Variants in TTN observed in about 807,000 individuals in gnomAD.
TTN encodes titin.
TTN carries 1,525 observed loss-of-function variants against 3,223.0 expected under a neutral mutation model. The ratio of observed to expected loss-of-function variants is 0.47; its 90% CI spans 0.45 to 0.49. The LOEUF (loss-of-function observed/expected upper bound fraction) is 0.49. TTN is among the 20% of genes least tolerant of loss of function. The probability of loss-of-function intolerance (pLI) is 0.00; values close to 1 mark genes in which losing one functional copy is unlikely to be tolerated. For missense variants in TTN, 40,786 were observed against 43,424.0 expected, an observed-to-expected ratio of 0.94 and a Z score of 5.40; for synonymous variants, 14,094 against 15,161.0, an observed-to-expected ratio of 0.93 and a Z score of 5.17.
Position 178,800,695 on chromosome 2 carries a change from G to A in TTN, c.296-13C>T. ...GGTGCTGTCTCAGCTGCGGGGACAA[G>A]AGAACAAAGTCAAGAGTGAGAGCCA... On this transcript the variant is annotated splice_polypyrimidine_tract_variant and intron_variant, in intron 3 of 362. Coordinates refer to ENST00000589042, the MANE Select transcript of TTN (RefSeq NM_001267550.2). 6.2e-7 allele frequency: 1 copy of A among 1,602,268 alleles called. No individual in the cohort carries two copies. Among genetic ancestry groups the A allele is most frequent in the East Asian group, 2.2e-5 (1 of 44,748 alleles).
Position 178,532,841 on chromosome 2 carries a change from G to T in TTN, c.103774C>A (p.Pro34592Thr), listed in dbSNP as rs748291093. Reference sequence around the variant, plus strand: ...CATCTTGAAAGGCGGATGCGCTTGGGTCGTTTCTGTACAACTCTGTCAAGT... The same window carrying T: ...CATCTTGAAAGGCGGATGCGCTTGGTTCGTTTCTGTACAACTCTGTCAAGT... ...GKLDRVVQKR[P>T]KRIRLSRWEQ... is the part of the protein sequence containing the mutation. Residue 34592 changes from proline (P) to threonine (T), a missense_variant, in exon 358 of 363, where the codon CCC becomes ACC. By Grantham distance (38) the Pro-to-Thr change is conservative. Coordinates refer to ENST00000589042, the MANE Select transcript of TTN (RefSeq NM_001267550.2). 12 of 1,613,926 alleles carry T rather than the reference G, an allele frequency of 7.4e-6. No homozygotes were observed. The South Asian group carries it at 1.1e-4, about 15-fold the overall frequency.
At position 178,741,758 on chromosome 2, in the gene TTN, T is replaced by C. The variant is rs1057523983; in HGVS notation, c.11475A>G (p.Glu3825=). The C allele has an allele frequency of 6.2e-7, 1 of 1,613,654 alleles. No homozygotes were observed. The highest frequency in any genetic ancestry group is 1.3e-5 in the African/African-American group (1 of 75,034). ...CCATGCTTATATCAGCATTTGACAC[T>C]TCTTTGATGAAAATTGGGCCAGTGC... is the stretch of plus-strand genomic sequence containing the variant. The part of the protein sequence containing the change: ...KEGTGPIFIK[E]VSNADISMGD... Residue 3825 remains glutamate, a synonymous_variant, in exon 48 of 363, where the codon GAA becomes GAG. Transcript: ENST00000589042.
In TTN at chr2:178,789,417, C is replaced by T. The variant is rs1438888698; in HGVS notation, c.2019G>A (p.Leu673=). The stretch of plus-strand genomic sequence containing the variant: ...TAGTAGCCATAGTTTCTCTAGTTCT[C>T]AGTATTGTTTCTTGTTCTTTGGCTT... ...TAKAKEQETI[L]RTRETMATRQ... The change falls in exon 13 of 363, where the codon CTG becomes CTA. Residue 673 remains leucine, a synonymous_variant. Transcript: ENST00000589042. 1.2e-6 allele frequency: 2 copies of T among 1,613,512 alleles called. No homozygotes were observed. The highest frequency in any genetic ancestry group is 1.7e-6 in the Non-Finnish European group (2 of 1,179,554).
intron 106 of TTN, 131 bp downstream of exon 106, chr2:178,704,016 G>T: frequency 8.5e-7 from 1 of 1,171,474 alleles, no homozygotes; most frequent in Non-Finnish European, 1.2e-6. Flanking sequence ...AATACTATGA[G>T]AACGTGTGTT....
rs998292768 is a variant in TTN, at chr2:178,723,460, T to C, written c.21640A>G (p.Asn7214Asp). Residue 7214 changes from asparagine to aspartate, a missense_variant, in exon 74 of 363, where the codon AAC becomes GAC. Physicochemically the swap from Asn to Asp is conservative, Grantham distance 23. Coordinates refer to ENST00000589042, the MANE Select transcript of TTN (RefSeq NM_001267550.2). ...SGEYTCVVSN[N>D]AGQASCTTRL... ...GTAGTGCAAGATGCTTGGCCAGCGT[T>C]GTTAGAAACCACACAGGTGTATTCC... 2 of 1,613,282 alleles carry C rather than the reference T, an allele frequency of 1.2e-6. No individual in the cohort carries two copies. Among genetic ancestry groups the C allele is most frequent in the Non-Finnish European group, 1.7e-6 (2 of 1,179,556 alleles).
chr2:178,782,790 G>A lies in TTN; in HGVS notation c.3100+16C>T, dbSNP rs2092895435. On this transcript the variant is annotated intron_variant, in intron 18 of 362. Transcript: ENST00000589042. ...GATGGCATGTGCATTAGGACTGTGGGAGGGTGGCCACTAACCCTGCACAGC... is the reference window on the plus strand; with the variant it reads ...GATGGCATGTGCATTAGGACTGTGGAAGGGTGGCCACTAACCCTGCACAGC... 6.2e-7 allele frequency: 1 copy of A among 1,612,312 alleles called. No individual in the cohort carries two copies. Among genetic ancestry groups the A allele is most frequent in the African/African-American group, 1.3e-5 (1 of 74,978 alleles).
rs1192398039 is a variant in TTN, at chr2:178,572,523, T to C, written c.73609A>G (p.Thr24537Ala). 6.2e-7 allele frequency: 1 copy of C among 1,613,368 alleles called. No individual in the cohort carries two copies. The highest frequency in any genetic ancestry group is 2.2e-5 in the East Asian group (1 of 44,772). Residue 24537 changes from threonine (T) to alanine (A), a missense_variant, in exon 326 of 363, where the codon ACA (threonine) becomes GCA (alanine). Transcript: ENST00000589042. ...AGGAGAGGTGGGTCCCATGTGAGTG[T>C]GACAGATGTCTTAGTGACCTCTTTT... ...KVKEVTKTSVTLTWDPPLLDG... is the reference protein window; with the variant it reads ...KVKEVTKTSVALTWDPPLLDG...
intron 46 of TTN, 50 bp downstream of exon 46, chr2:178,756,172 T>C: frequency 7.3e-7 from 1 of 1,368,430 alleles, no homozygotes; most frequent in Non-Finnish European, 1.0e-6. Context: ...AAAAGCTGCA[T>C]AAAGCGATGA....
chr2:178,701,580 A>T lies in TTN; in HGVS notation c.30546T>A (p.Pro10182=). Residue 10182 remains proline, a synonymous_variant, in exon 110 of 363, where the codon CCT becomes CCA. Coordinates refer to ENST00000589042, the MANE Select transcript of TTN (RefSeq NM_001267550.2). ...TGGTTGGGATTGGAACTCTGGAGTC[A>T]GGAATATCTGGAAAGGGACATGTAA... ...IKLELKPPDI[P]DSRVPIPTMP... is the part of the protein sequence containing the mutation. 1 of 1,613,750 alleles carries T rather than the reference A, an allele frequency of 6.2e-7. No homozygotes were observed. Among genetic ancestry groups the T allele is most frequent in the Non-Finnish European group, 8.5e-7 (1 of 1,179,728 alleles).
In TTN at chr2:178,666,875, G is replaced by A. The variant is rs780314020; in HGVS notation, c.35824C>T (p.Pro11942Ser). The A allele has an allele frequency of 1.3e-6, 2 of 1,569,028 alleles. No individual in the cohort carries two copies. The highest frequency in any genetic ancestry group is 1.7e-6 in the Non-Finnish European group (2 of 1,156,628). Residue 11942 changes from proline (P) to serine (S), a missense_variant, in exon 163 of 363, where the codon CCA becomes TCA. Physicochemically the swap from Pro to Ser is moderately conservative, Grantham distance 74. Coordinates refer to ENST00000589042, the MANE Select transcript of TTN (RefSeq NM_001267550.2). Reference protein sequence around the residue: ...EEFEVFKEVIPEGETPIVKRR... With the variant: ...EEFEVFKEVISEGETPIVKRR... ...TTAACAATAGGAGTTTCTCCCTCTG[G>A]AATGACTTCCTTGAAGACTTCAAAC... is the stretch of plus-strand genomic sequence containing the variant.
intron 49 of TTN, among the ~76,000 whole-genome samples, chr2:178,736,497 TG>T (rs1397968906): frequency 1.3e-5 from 2 of 152,216 alleles, no homozygotes; most frequent in Admixed American, 6.5e-5. Context: ...GAAGTAGTTT[TG>T]TAATGTCTTT....
chr2:178,543,935 A>C lies in TTN; in HGVS notation c.96209T>G (p.Leu32070Arg). The C allele has an allele frequency of 6.2e-7, 1 of 1,613,762 alleles. No homozygotes were observed. Among genetic ancestry groups the C allele is most frequent in the Non-Finnish European group, 8.5e-7 (1 of 1,179,722 alleles). ...IIDTTESYSL[L>R]IVDKVNRYDA... The stretch of plus-strand genomic sequence containing the variant: ...GTACCGATTAACTTTGTCCACTATT[A>C]GCAATGAGTAGCTCTCAGTGGTGTC... The change falls in exon 346 of 363, where the codon CTA becomes CGA. Residue 32070 changes from leucine to arginine, a missense_variant. Leu to Arg is a moderately radical substitution (Grantham distance 102). Transcript: ENST00000589042.
At chr2:178,608,506 T>C in intron 274 of TTN, 29 bp from the exon 275 acceptor site, 3 of 1,562,390 alleles carry the variant, frequency 1.9e-6, no homozygotes. Flanking sequence ...TTGAAGTAAA[T>C]TTCCCAGTAT....
At position 178,732,867 on chromosome 2, in the gene TTN, T is replaced by G; in HGVS notation, c.16309A>C (p.Ser5437Arg). 6.2e-7 allele frequency: 1 copy of G among 1,613,220 alleles called. No individual in the cohort carries two copies. The highest frequency in any genetic ancestry group is 8.5e-7 in the Non-Finnish European group (1 of 1,179,412). ...ATCAGGGCTCCACTGCTGTCTTTGC[T>G]TCCCACGGAATTTGTGGCTCGACAA... ...FTCRATNSVG[S>R]KDSSGALIVQ... is the part of the protein sequence containing the mutation. Residue 5437 changes from serine (S) to arginine (R), a missense_variant, in exon 55 of 363, where the codon AGC becomes CGC. By Grantham distance (110) the Ser-to-Arg change is moderately radical. Transcript: ENST00000589042.
In TTN at chr2:178,730,718, C is replaced by A; in HGVS notation, c.17815G>T (p.Glu5939Ter). 1.2e-6 allele frequency: 2 copies of A among 1,613,478 alleles called. No individual in the cohort carries two copies. Among genetic ancestry groups the A allele is most frequent in the Non-Finnish European group, 1.7e-6 (2 of 1,179,602 alleles). Residue 5939 changes from glutamate to a stop codon, truncating the protein, a stop_gained, in exon 61 of 363, where the codon GAA becomes TAA. Transcript: ENST00000589042. LOFTEE classifies it high-confidence loss of function. ...GGATGTGACCCAGCCACTATACATT[C>A]TAAATCAATGAAAGAACCTTTAATG... Reference protein sequence around the residue: ...DSIKGSFIDLECIVAGSHPIS... With the variant: ...DSIKGSFIDL
Position 178,574,845 on chromosome 2 carries a change from C to T in TTN, c.71287G>A (p.Val23763Ile). The T allele has an allele frequency of 1.2e-6, 2 of 1,613,134 alleles. No homozygotes were observed. Among genetic ancestry groups the T allele is most frequent in the Non-Finnish European group, 1.7e-6 (2 of 1,179,578 alleles). The part of the protein sequence containing the change: ...NDGGVPISNY[V>I]VEMRQTDSTT... Reference sequence around the variant, plus strand: ...CTGTCAGTCTGCCGCATTTCCACTACATAGTTGCTTATTGGTACACCACCA... The same window carrying T: ...CTGTCAGTCTGCCGCATTTCCACTATATAGTTGCTTATTGGTACACCACCA... The change falls in exon 326 of 363, where the codon GTA becomes ATA. Residue 23763 changes from valine (V) to isoleucine (I), a missense_variant. Val to Ile is a conservative substitution (Grantham distance 29). Coordinates refer to ENST00000589042, the MANE Select transcript of TTN (RefSeq NM_001267550.2).
At chr2:178,697,492 A>G (rs1291951528) in intron 112 of TTN, among the ~76,000 whole-genome samples, 1 of 152,186 alleles carries the variant, frequency 6.6e-6, no homozygotes, top group African/African-American at 2.4e-5. Flanking sequence ...AGAATGTTTA[A>G]TATGTCCAAT....
rs749484938 is a variant in TTN at position 178,573,860 on chromosome 2, T to C, written c.72272A>G (p.Asp24091Gly). The change falls in exon 326 of 363, where the codon GAT becomes GGT. Residue 24091 changes from aspartate (D) to glycine (G), a missense_variant. By Grantham distance (94) the Asp-to-Gly change is moderately conservative. Coordinates refer to ENST00000589042, the MANE Select transcript of TTN (RefSeq NM_001267550.2). Reference sequence around the variant, plus strand: ...GGCACCACTATCCCTTCTTGTTGAATCTTTGTTTACCAGATTAGTAGAGAA... The same window carrying C: ...GGCACCACTATCCCTTCTTGTTGAACCTTTGTTTACCAGATTAGTAGAGAA... ...ADFSTNLVNK[D>G]STRRDSGAYT... The C allele has an allele frequency of 2.5e-5, 40 of 1,610,808 alleles. No individual in the cohort carries two copies. The highest frequency in any genetic ancestry group is 3.4e-6 in the Non-Finnish European group (4 of 1,177,718).
intron 47 of TTN, chr2:178,749,330 C>A (rs2084669982): frequency 6.2e-7 from 1 of 1,612,546 alleles, no homozygotes; most frequent in African/African-American, 1.3e-5. Context: ...TTCAGCCTGA[C>A]ATTGTATGAA....
Sources: gnomAD v4.1 joint callset for allele counts (sites outside exome capture counted in the v4.1 genomes callset) on GRCh38, gnomAD v4.1.1 for gene constraint, MANE v1.5 for transcripts, NCBI Gene and HGNC (gene_info 2026-07-23, HGNC 2026-07-21) for gene names.